The following ALG9 variants were observed in gnomAD, a reference collection of about 807,000 sequenced individuals.
The protein encoded by ALG9 is alpha-1,2-mannosyltransferase ALG9.
A neutral mutation model predicts 81.8 loss-of-function variants in ALG9; 55 were observed. The ratio of observed to expected loss-of-function variants is 0.67; its 90% CI spans 0.54 to 0.84. ALG9 has a LOEUF of 0.84. Ranked by LOEUF, ALG9 falls within the 40% of genes least tolerant of loss-of-function variation. The pLI is 0.00. For missense variants in ALG9, 629 were observed against 745.0 expected, an observed-to-expected ratio of 0.84 and a Z score of 1.81; for synonymous variants, 278 against 274.3, an observed-to-expected ratio of 1.01 and a Z score of -0.13.
intron 13 of ALG9, among the ~76,000 whole-genome samples, chr11:111,822,490 C>A (rs1235199440): frequency 4.1e-5 from 6 of 147,854 alleles, no homozygotes; most frequent in African/African-American, 1.5e-4. Flanking sequence ...GGTGGGCAGA[C>A]TGCTTGAGCC....
At chr11:111,811,786 C>T (rs1466294371) in intron 13 of ALG9, among the ~76,000 whole-genome samples, 2 of 152,006 alleles carry the variant, frequency 1.3e-5, no homozygotes, top group Admixed American at 6.6e-5. Flanking sequence ...ATGAAATGTT[C>T]GTAATAGGCA....
At chr11:111,837,347 G>T in intron 12 of ALG9, 121 bp downstream of exon 12, 1 of 1,177,752 alleles carries the variant, frequency 8.5e-7, no homozygotes, top group Non-Finnish European at 1.2e-6. Context: ...CTCCGACGTG[G>T]TAGATAATTC....
In ALG9 at chr11:111,784,861, A is replaced by T. The variant is rs782678326; in HGVS notation, c.*1536T>A. 6.6e-6 allele frequency: 1 copy of T among 152,248 alleles called. No homozygotes were observed. Among genetic ancestry groups the T allele is most frequent in the Non-Finnish European group, 1.5e-5 (1 of 68,066 alleles). The allele number at this position is 152,248 out of a possible 1,614,324, so 9.4% of individuals were successfully genotyped here. A position where few individuals can be genotyped will look rare whatever the true frequency, so the allele number is the denominator to read the frequency against. On this transcript the variant is annotated 3_prime_UTR_variant, in exon 15 of 15. Coordinates refer to ENST00000616540, the MANE Select transcript of ALG9 (RefSeq NM_024740.2). ...CTACAGGAATAGTACTGATATTTGG[A>T]TCCTGTGTGGCTGCAAAAGAACATG...
At chr11:111,853,104 C>T (rs1344067338) in intron 8 of ALG9, among the ~76,000 whole-genome samples, 2 of 149,330 alleles carry the variant, frequency 1.3e-5, no homozygotes, top group East Asian at 2.0e-4. Context: ...GCATCAAAAG[C>T]CATAGCATAC....
At chr11:111,797,649 C>T (rs1204158251) in intron 14 of ALG9, among the ~76,000 whole-genome samples, 1 of 152,350 alleles carries the variant, frequency 6.6e-6, no homozygotes, top group East Asian at 1.9e-4. Flanking sequence ...GTCTTATCTT[C>T]CATAGAGAAA....
intron 3 of ALG9, among the ~76,000 whole-genome samples, chr11:111,866,722 C>A (rs1307992819): frequency 2.0e-5 from 3 of 151,266 alleles, no homozygotes; most frequent in Non-Finnish European, 1.5e-5. Context: ...AATAAAAACC[C>A]TCTGCATAGC....
At chr11:111,868,503 C>G in intron 3 of ALG9, 99 bp downstream of exon 3, 3 of 1,436,318 alleles carry the variant, frequency 2.1e-6, no homozygotes, top group Non-Finnish European at 2.8e-6. Flanking sequence ...AAAAAAAGTT[C>G]CCTTTTAACT....
intron 6 of ALG9, among the ~76,000 whole-genome samples, chr11:111,856,141 G>A (rs1958631591): frequency 6.6e-6 from 1 of 151,920 alleles, no homozygotes; most frequent in South Asian, 2.1e-4. Flanking sequence ...GCTGGGCGTG[G>A]TGGCATGTGC....
At chr11:111,859,286 G>A (rs1270441487) in intron 5 of ALG9, among the ~76,000 whole-genome samples, 1 of 152,068 alleles carries the variant, frequency 6.6e-6, no homozygotes, top group African/African-American at 2.4e-5. Flanking sequence ...GGTGGATCAC[G>A]TGGTCAGGAG....
rs138974092 is a variant in ALG9 at position 111,816,697 on chromosome 11, C to G, written c.1603-6924G>C. Among the ~76,000 whole-genome samples the G allele has an allele frequency of 2.0e-5, 3 of 152,308 alleles. No individual in the cohort carries two copies. In the East Asian group the frequency reaches 5.8e-4, roughly 29 times the overall value. On this transcript the variant is annotated intron_variant, in intron 13 of 14. Transcript: ENST00000616540. Reference sequence around the variant, plus strand: ...TCAGCTTCCCAAGTAGCTGGGACCACAGGCATGTGCCACCATGCCTGGCTA... The same window carrying G: ...TCAGCTTCCCAAGTAGCTGGGACCAGAGGCATGTGCCACCATGCCTGGCTA...
rs550726810 is a variant in ALG9 at position 111,834,267 on chromosome 11, C to T, written c.1602+1898G>A. On this transcript the variant is annotated intron_variant, in intron 13 of 14. Transcript: ENST00000616540. ...ATAATTTTGATAGTGTGAGAAGAGA[C>T]ACAAGGGTAGTTCAGGCATAGTCAC... is the stretch of plus-strand genomic sequence containing the variant. 2.3e-3 allele frequency among the ~76,000 whole-genome samples: 356 copies of T among 152,254 alleles called. 2 individuals carry two copies. Among genetic ancestry groups the T allele is most frequent in the Non-Finnish European group, 4.0e-3 (273 of 68,020 alleles).
intron 9 of ALG9, among the ~76,000 whole-genome samples, chr11:111,841,645 C>T (rs1555124022): frequency 6.6e-6 from 1 of 152,160 alleles, no homozygotes; most frequent in East Asian, 1.9e-4. Flanking sequence ...AGATAGACAG[C>T]GCCCCCTGGT....
Position 111,837,616 on chromosome 11 carries a change from C to CT in ALG9, c.1325-2dup. On this transcript the variant is annotated splice_acceptor_variant, in intron 11 of 14. Transcript: ENST00000616540. LOFTEE classifies it high-confidence loss of function. ...TACAAATCAAGGGGCCCGTGATATC[C>CT]TGGAAGGGAGAACAGTTAGTGAGAG... 6.2e-7 allele frequency: 1 copy of CT among 1,613,880 alleles called. No homozygotes were observed. The highest frequency in any genetic ancestry group is 2.2e-5 in the East Asian group (1 of 44,870).
chr11:111,786,322 ATGACT>A lies in ALG9; in HGVS notation c.*70_*74del, dbSNP rs1296843417. The A allele has an allele frequency of 4.4e-6, 7 of 1,600,606 alleles. No homozygotes were observed. In the African/African-American group the frequency reaches 9.4e-5, roughly 21 times the overall value. On this transcript the variant is annotated 3_prime_UTR_variant, in exon 15 of 15. Coordinates refer to ENST00000616540, the MANE Select transcript of ALG9 (RefSeq NM_024740.2). The stretch of plus-strand genomic sequence containing the variant: ...ACCTTTATTACAAATGTTACAGGCG[ATGACT>A]TGCAGGGAGTCAGGTCACTGGAATC...
intron 3 of ALG9, among the ~76,000 whole-genome samples, chr11:111,866,131 C>A (rs1203916287): frequency 6.6e-6 from 1 of 152,094 alleles, no homozygotes; most frequent in African/African-American, 2.4e-5. Context: ...CCCATCTCTA[C>A]TAAAAATACA....
chr11:111,860,723 A>G (rs537161866), intron 4 of ALG9, 88 bp from the exon 5 acceptor site: 1 of 985,416 alleles, frequency 1.0e-6, no homozygotes, highest in Admixed American at 2.2e-5. Flanking sequence ...CACAGATAAC[A>G]CTGAAGATCT....
At chr11:111,786,563 G>A in intron 14 of ALG9, 43 bp from the exon 15 acceptor site, 1 of 1,602,434 alleles carries the variant, frequency 6.2e-7, no homozygotes, top group Non-Finnish European at 8.5e-7. Context: ...TCACTTGGGA[G>A]AATTTACTAA....
At chr11:111,866,544 G>A (rs1962534211) in intron 3 of ALG9, among the ~76,000 whole-genome samples, 1 of 151,994 alleles carries the variant, frequency 6.6e-6, no homozygotes, top group Non-Finnish European at 1.5e-5. Context: ...ATTCCCCTTT[G>A]CTGAATGGCT....
intron 13 of ALG9, among the ~76,000 whole-genome samples, chr11:111,821,203 T>C (rs1226590714): frequency 6.6e-6 from 1 of 152,204 alleles, no homozygotes; most frequent in African/African-American, 2.4e-5. Flanking sequence ...ACTTTCATGC[T>C]CTGTATTTGT....
Sources: gnomAD v4.1 joint callset for allele counts (sites outside exome capture counted in the v4.1 genomes callset) on GRCh38, gnomAD v4.1.1 for gene constraint, MANE v1.5 for transcripts, NCBI Gene and HGNC (gene_info 2026-07-23, HGNC 2026-07-21) for gene names.